SIK3: variants seen among roughly 807,000 people sequenced by gnomAD.
SIK3 encodes serine/threonine-protein kinase SIK3.
A neutral mutation model predicts 144.2 loss-of-function variants in SIK3; 28 were observed. The observed-to-expected ratio is 0.19, with a 90% CI of 0.14 to 0.27. The LOEUF (loss-of-function observed/expected upper bound fraction) is 0.27. Among genes scored for constraint, SIK3 ranks in the 10% least tolerant of loss-of-function variants. The pLI, the probability that SIK3 is intolerant of heterozygous loss-of-function variation, is 1.00. For synonymous variants in SIK3, 686 were observed against 676.3 expected (o/e 1.01, Z -0.22); for missense variants, 1,319 against 1,776.0 (o/e 0.74, Z 4.62).
intron 1 of SIK3, among the ~76,000 whole-genome samples, chr11:117,091,071 C>A (rs1190938023): frequency 6.6e-6 from 1 of 152,020 alleles, no homozygotes; most frequent in Non-Finnish European, 1.5e-5. Context: ...GATTCTAACT[C>A]CAGCTCCCCC....
intron 1 of SIK3, among the ~76,000 whole-genome samples, chr11:117,049,175 G>A (rs1431922124): frequency 1.3e-5 from 2 of 151,906 alleles, no homozygotes; most frequent in African/African-American, 2.4e-5. Context: ...AGATTTTTAG[G>A]GGTTGTCAAC....
intron 1 of SIK3, among the ~76,000 whole-genome samples, chr11:116,991,204 TTG>T (rs1249347501): frequency 2.0e-5 from 3 of 152,148 alleles, no homozygotes; most frequent in Non-Finnish European, 2.9e-5. Flanking sequence ...CCCCAGCACT[TTG>T]GGAGGCCAAG....
chr11:116,860,169 C>T (rs1210424384), intron 19 of SIK3, among the ~76,000 whole-genome samples: 3 of 151,046 alleles, frequency 2.0e-5, no homozygotes, highest in South Asian at 2.1e-4. Flanking sequence ...CATTTGAACC[C>T]GGAGGTGGAG....
chr11:116,980,155 G>C (rs1217107700), intron 1 of SIK3, among the ~76,000 whole-genome samples: 1 of 152,138 alleles, frequency 6.6e-6, no homozygotes, highest in Non-Finnish European at 1.5e-5. Flanking sequence ...ATATTACTAA[G>C]TCAAAAATGC....
intron 6 of SIK3, among the ~76,000 whole-genome samples, chr11:116,895,519 T>C (rs938005807): frequency 2.4e-4 from 36 of 152,202 alleles, no homozygotes; most frequent in African/African-American, 8.2e-4. Context: ...TTCTACCTTG[T>C]TGTCAACCCA....
intron 1 of SIK3, among the ~76,000 whole-genome samples, chr11:116,998,084 G>A (rs777331954): frequency 3.3e-5 from 5 of 151,440 alleles, no homozygotes; most frequent in Non-Finnish European, 5.9e-5. Context: ...AAACTGTTGG[G>A]CTCAAGTGAT....
intron 6 of SIK3, among the ~76,000 whole-genome samples, chr11:116,887,424 C>T (rs763565154): frequency 6.6e-6 from 1 of 152,020 alleles, no homozygotes; most frequent in African/African-American, 2.4e-5. Flanking sequence ...CAAGACCAGC[C>T]TGGCCAACAT....
Position 116,862,183 on chromosome 11 carries a change from G to A in SIK3, c.2229+19C>T, listed in dbSNP as rs749979090. ...GCAAACTCCAAACAAGTTGGAGAAA[G>A]CAAAGAGTGAGGGCCTACTTGAATT... On this transcript the variant is annotated intron_variant, in intron 17 of 24. Transcript: ENST00000445177. 3.1e-6 allele frequency: 5 copies of A among 1,614,190 alleles called. No homozygotes were observed. In the South Asian group the frequency reaches 5.5e-5, roughly 18 times the overall value.
intron 1 of SIK3, among the ~76,000 whole-genome samples, chr11:117,022,256 G>A (rs1951811520): frequency 6.6e-6 from 1 of 151,364 alleles, no homozygotes; most frequent in South Asian, 2.1e-4. Context: ...TATTGATTAA[G>A]GTGGTGGTTA....
At chr11:117,023,581 AAAAC>A (rs1173784198) in intron 1 of SIK3, among the ~76,000 whole-genome samples, 9,298 of 106,054 alleles carry the variant, frequency 0.088, 607 homozygotes, top group Non-Finnish European at 0.12. Context: ...AATATTCTTA[AAAAC>A]AAACAAACAA....
intron 1 of SIK3, among the ~76,000 whole-genome samples, chr11:117,071,484 T>C (rs750474698): frequency 1.3e-5 from 2 of 151,910 alleles, no homozygotes; most frequent in Admixed American, 6.6e-5. Context: ...CTCTCTCTCT[T>C]GCTTACCAAC....
At chr11:117,050,367 T>C (rs1212800470) in intron 1 of SIK3, among the ~76,000 whole-genome samples, 1 of 152,020 alleles carries the variant, frequency 6.6e-6, no homozygotes, top group African/African-American at 2.4e-5. Context: ...TGTACTAATT[T>C]TGTAATTTCC....
chr11:116,976,894 A>G (rs1949964932), intron 1 of SIK3, among the ~76,000 whole-genome samples: 1 of 152,266 alleles, frequency 6.6e-6, no homozygotes, highest in Non-Finnish European at 1.5e-5. Flanking sequence ...CAGAACTAAA[A>G]TAAGTTACAG....
chr11:116,947,818 C>T (rs906316065), intron 3 of SIK3, among the ~76,000 whole-genome samples: 15 of 152,042 alleles, frequency 9.9e-5, no homozygotes, highest in Non-Finnish European at 2.1e-4. Context: ...CCCACCTCAG[C>T]CTCCCAAAGT....
chr11:116,986,557 G>C (rs532608756), intron 1 of SIK3, among the ~76,000 whole-genome samples: 1 of 152,258 alleles, frequency 6.6e-6, no homozygotes, highest in South Asian at 2.1e-4. Flanking sequence ...AGAGAAAACA[G>C]ACAAGAACTT....
chr11:117,037,990 T>C (rs80273401), intron 1 of SIK3, among the ~76,000 whole-genome samples: 9,550 of 152,310 alleles, frequency 0.063, 349 homozygotes, highest in Middle Eastern at 0.11. Context: ...AAAAGTTTTA[T>C]AATGCCTCTT....
Position 117,098,373 on chromosome 11 carries a change from C to T in SIK3, c.43G>A (p.Ala15Thr). The part of the protein sequence containing the change: ...AASGAGGAAG[A>T]GTGGAGPAGR... ...GCGGGCCCGGCTCCCCCAGTCCCGG[C>T]CCCGGCAGCCCCGCCAGCTCCGCTC... The change falls in exon 1 of 25, where the codon GCC becomes ACC. Residue 15 changes from alanine to threonine, a missense_variant. Transcript: ENST00000445177. 26 of 1,171,364 alleles carry T rather than the reference C, an allele frequency of 2.2e-5. No homozygotes were observed. Among genetic ancestry groups the T allele is most frequent in the Non-Finnish European group, 2.7e-5 (26 of 950,476 alleles). 72.6% of individuals were successfully genotyped at this position (1,171,364 alleles called of 1,614,324 possible).
At position 117,049,069 on chromosome 11, in the gene SIK3, C is replaced by A. The variant is rs568853661; in HGVS notation, c.273+49074G>T. ...TGAGCTGAGATCGTGCCACTGCACT[C>A]CAACCTGGGTTGTCACTGGAGTGAG... On this transcript the variant is annotated intron_variant, in intron 1 of 24. Transcript: ENST00000445177. Among the ~76,000 whole-genome samples the A allele has an allele frequency of 5.9e-5, 9 of 152,158 alleles. No homozygotes were observed. The South Asian group carries it at 1.5e-3, about 25-fold the overall frequency.
rs1046415517 is a variant in SIK3, at chr11:117,071,739, T to C, written c.273+26404A>G. On this transcript the variant is annotated intron_variant, in intron 1 of 24. Transcript: ENST00000445177. Reference sequence around the variant, plus strand: ...TCAAGCAATCCTCTCACTTTGCCTATTGAGTAGCTGGGACTACAGATGTGT... The same window carrying C: ...TCAAGCAATCCTCTCACTTTGCCTACTGAGTAGCTGGGACTACAGATGTGT... Among the ~76,000 whole-genome samples the C allele has an allele frequency of 4.6e-5, 7 of 151,850 alleles. No homozygotes were observed. The East Asian group carries it at 7.7e-4, about 17-fold the overall frequency.
Sources: gnomAD v4.1 joint callset for allele counts (sites outside exome capture counted in the v4.1 genomes callset) on GRCh38, gnomAD v4.1.1 for gene constraint, MANE v1.5 for transcripts, NCBI Gene and HGNC (gene_info 2026-07-23, HGNC 2026-07-21) for gene names.